The following ZNF521 variants were observed in gnomAD, a reference collection of about 807,000 sequenced individuals.
ZNF521 encodes the protein LYST-interacting protein 3.
Under a neutral mutation model 105.5 loss-of-function variants are expected in ZNF521, and 14 were observed. The observed-to-expected ratio is 0.13, with a 90% confidence interval of 0.09 to 0.21. The LOEUF (loss-of-function observed/expected upper bound fraction) is 0.21. Ranked by LOEUF, ZNF521 falls within the 10% of genes least tolerant of loss-of-function variation. The pLI, the probability that ZNF521 is intolerant of heterozygous loss-of-function variation, is 1.00. For synonymous variants in ZNF521, 635 were observed against 606.0 expected, an observed-to-expected ratio of 1.05 and a Z score of -0.70; for missense variants, 1,233 against 1,629.7, an observed-to-expected ratio of 0.76 and a Z score of 4.19.
At chr18:25,115,350 CT>C (rs745999723) in intron 5 of ZNF521, among the ~76,000 whole-genome samples, 1 of 152,106 alleles carries the variant, frequency 6.6e-6, no homozygotes, top group Non-Finnish European at 1.5e-5. Context: ...GCTGAAAGGT[CT>C]TTTTTCCCAT....
chr18:25,148,379 T>G (rs2034985023), intron 5 of ZNF521, among the ~76,000 whole-genome samples: 1 of 152,204 alleles, frequency 6.6e-6, no homozygotes, highest in Non-Finnish European at 1.5e-5. Context: ...TCAAAGTTTT[T>G]GGTCACTATG....
At chr18:25,350,858 G>C in intron 2 of ZNF521, 49 bp downstream of exon 2, 1 of 1,538,780 alleles carries the variant, frequency 6.5e-7, no homozygotes, top group South Asian at 1.2e-5. Context: ...GCTACCCACA[G>C]TGACACTCGC....
intron 3 of ZNF521, among the ~76,000 whole-genome samples, chr18:25,270,093 A>C (rs1909549812): frequency 6.6e-6 from 1 of 152,216 alleles, no homozygotes; most frequent in African/African-American, 2.4e-5. Context: ...AAAAACGATA[A>C]TGGGGATATC....
chr18:25,248,948 T>G (rs981785850), intron 3 of ZNF521, among the ~76,000 whole-genome samples: 1 of 152,194 alleles, frequency 6.6e-6, no homozygotes, highest in Non-Finnish European at 1.5e-5. Context: ...CATTCACATA[T>G]TGAATATGAG....
chr18:25,132,928 G>A (rs547633401), intron 5 of ZNF521, among the ~76,000 whole-genome samples: 1 of 152,286 alleles, frequency 6.6e-6, no homozygotes, highest in Non-Finnish European at 1.5e-5. Context: ...TCTACCGTCT[G>A]CCCCGATCTG....
chr18:25,200,222 A>G (rs1343764880), intron 4 of ZNF521, among the ~76,000 whole-genome samples: 1 of 152,110 alleles, frequency 6.6e-6, no homozygotes, highest in Non-Finnish European at 1.5e-5. Flanking sequence ...TTGGTCTTTG[A>G]CAATGCCAGG....
At chr18:25,084,893 AC>A (rs2033586660) in intron 7 of ZNF521, among the ~76,000 whole-genome samples, 1 of 152,134 alleles carries the variant, frequency 6.6e-6, no homozygotes, top group Non-Finnish European at 1.5e-5. Context: ...ACTTGCTCAC[AC>A]CTGCATAAAC....
Position 25,190,956 on chromosome 18 carries a change from T to G in ZNF521, c.3658+4204A>C, listed in dbSNP as rs79140887. 1.5e-3 allele frequency among the ~76,000 whole-genome samples: 225 copies of G among 152,346 alleles called. 1 individual carries two copies. The highest frequency in any genetic ancestry group is 5.3e-3 in the African/African-American group (221 of 41,570). On this transcript the variant is annotated intron_variant, in intron 5 of 7. Coordinates refer to ENST00000361524, the MANE Select transcript of ZNF521 (RefSeq NM_015461.3). ...GATATAAATAAAAAGTCAGTATTTT[T>G]GCATCAGTATTTTCTTATTAGCTAT...
chr18:25,193,188 A>C (rs2035848102), intron 5 of ZNF521, among the ~76,000 whole-genome samples: 1 of 152,174 alleles, frequency 6.6e-6, no homozygotes, highest in Middle Eastern at 3.4e-3. Context: ...GAATGATATA[A>C]AGCAATTTAA....
chr18:25,311,955 T>G (rs140514758), intron 3 of ZNF521, among the ~76,000 whole-genome samples: 164 of 152,300 alleles, frequency 1.1e-3, no homozygotes, highest in Non-Finnish European at 1.7e-3. Flanking sequence ...ATATAAGATA[T>G]TCTCCACTTA....
chr18:25,283,922 T>TCC (rs78019673), intron 3 of ZNF521, among the ~76,000 whole-genome samples: 97 of 97,216 alleles, frequency 1.0e-3, no homozygotes, highest in African/African-American at 2.2e-3. Flanking sequence ...GCCAATACTT[T>TCC]CCCCCCCCCC....
chr18:25,074,237 T>G (rs1284077234), intron 7 of ZNF521, among the ~76,000 whole-genome samples: 1 of 152,264 alleles, frequency 6.6e-6, no homozygotes, highest in African/African-American at 2.4e-5. Flanking sequence ...TCTGGGGACT[T>G]ATTCCTGCAT....
chr18:25,221,434 C>T (rs769645385), intron 4 of ZNF521, among the ~76,000 whole-genome samples: 1 of 152,118 alleles, frequency 6.6e-6, no homozygotes, highest in Non-Finnish European at 1.5e-5. Context: ...GAAAGATGGA[C>T]ACAAATGTTT....
At chr18:25,330,704 T>C (rs1913518344) in intron 2 of ZNF521, among the ~76,000 whole-genome samples, 1 of 152,218 alleles carries the variant, frequency 6.6e-6, no homozygotes, top group Non-Finnish European at 1.5e-5. Flanking sequence ...GTTAACACGA[T>C]TTTACTTGGA....
At chr18:25,349,062 T>C (rs1316959678) in intron 2 of ZNF521, among the ~76,000 whole-genome samples, 1 of 152,188 alleles carries the variant, frequency 6.6e-6, no homozygotes, top group Non-Finnish European at 1.5e-5. Context: ...TAAACTTTTT[T>C]TTTTTTGAAA....
chr18:25,181,996 C>T (rs1476711602), intron 5 of ZNF521, among the ~76,000 whole-genome samples: 1 of 152,098 alleles, frequency 6.6e-6, no homozygotes, highest in African/African-American at 2.4e-5. Flanking sequence ...ATATGCTGAC[C>T]TTCTTGAATT....
intron 5 of ZNF521, chr18:25,136,718 G>A (rs984174310): frequency 1.3e-5 from 2 of 152,260 alleles, no homozygotes; most frequent in Admixed American, 6.5e-5. Flanking sequence ...GGCACCAGAC[G>A]CCAGATCCTT....
At chr18:25,345,977 A>C (rs558226432) in intron 2 of ZNF521, among the ~76,000 whole-genome samples, 12 of 152,324 alleles carry the variant, frequency 7.9e-5, no homozygotes, top group African/African-American at 2.6e-4. Context: ...ATCATGAAAA[A>C]AAATCTCTCT....
At chr18:25,214,921 A>G (rs1022435225) in intron 4 of ZNF521, among the ~76,000 whole-genome samples, 1 of 152,128 alleles carries the variant, frequency 6.6e-6, no homozygotes, top group African/African-American at 2.4e-5. Flanking sequence ...AACAGGAAAC[A>G]TATAGGAAAC....
Sources: allele counts gnomAD v4.1 joint callset (sites outside exome capture counted in the v4.1 genomes callset), GRCh38; gene constraint gnomAD v4.1.1; transcripts MANE v1.5; gene names NCBI Gene and HGNC (gene_info 2026-07-23, HGNC 2026-07-21).